SLC36A1: variants seen among roughly 807,000 people sequenced by gnomAD.
SLC36A1 encodes solute carrier family 36 member 1.
SLC36A1 carries 30 observed loss-of-function variants against 47.5 expected under a neutral mutation model. The ratio of observed to expected loss-of-function variants is 0.63; its 90% CI spans 0.47 to 0.86. The LOEUF (loss-of-function observed/expected upper bound fraction) is 0.86. Ranked by LOEUF, SLC36A1 falls within the 40% of genes least tolerant of loss-of-function variation. SLC36A1 has a pLI of 0.00. For missense variants in SLC36A1, 517 were observed against 606.0 expected, an observed-to-expected ratio of 0.85 and a Z score of 1.54; for synonymous variants, 255 against 249.7, an observed-to-expected ratio of 1.02 and a Z score of -0.20.
the SLC36A1 span, chr5:151,537,727 T>G: frequency 2.0e-6 from 3 of 1,464,228 alleles, no homozygotes; most frequent in Non-Finnish European, 2.8e-6. Flanking sequence ...GAGAATACCA[T>G]GGCACTGGGC....
chr5:151,444,918 G>C (rs906514971), upstream of SLC36A1, among the ~76,000 whole-genome samples: 1 of 152,098 alleles, frequency 6.6e-6, no homozygotes, highest in African/African-American at 2.4e-5. Flanking sequence ...TTTTCTTTCT[G>C]ATTTGGATGC....
intron 1 of SLC36A1, chr5:151,450,835 A>G (rs745857707): frequency 1.3e-5 from 2 of 152,274 alleles, no homozygotes; most frequent in Admixed American, 6.5e-5. Flanking sequence ...TCCAAAGTGC[A>G]TGACTGATTA....
chr5:151,551,969 C>A, the SLC36A1 span, among the ~76,000 whole-genome samples: 1 of 137,734 alleles, frequency 7.3e-6, no homozygotes, highest in Non-Finnish European at 1.5e-5. Flanking sequence ...TTTAATATAA[C>A]CCTAAGGGTG....
the SLC36A1 span, among the ~76,000 whole-genome samples, chr5:151,422,699 G>A: frequency 6.6e-6 from 1 of 152,206 alleles, no homozygotes; most frequent in African/African-American, 2.4e-5. Context: ...CTACACTTGA[G>A]TCTGGGTGAC....
At chr5:151,531,597 A>C in the SLC36A1 span, 1 of 1,612,568 alleles carries the variant, frequency 6.2e-7, no homozygotes, top group Non-Finnish European at 8.5e-7. This position sits in a 1 kb window ranked among gnomAD's most constrained non-coding sequence, Gnocchi z 5.7. Context: ...CTGTGCGAGC[A>C]TCCAGGCGGA....
chr5:151,424,067 A>G, the SLC36A1 span, among the ~76,000 whole-genome samples: 1 of 152,242 alleles, frequency 6.6e-6, no homozygotes, highest in African/African-American at 2.4e-5. Flanking sequence ...CAAATGTACA[A>G]GTCGCCTCAC....
chr5:151,505,283 C>G, the SLC36A1 span: 39 of 489,590 alleles, frequency 8.0e-5, no homozygotes, highest in Non-Finnish European at 1.2e-4. Flanking sequence ...TGTCTCTCGC[C>G]CACCCCGGGA....
At chr5:151,352,021 A>T in the SLC36A1 span, among the ~76,000 whole-genome samples, 1 of 152,210 alleles carries the variant, frequency 6.6e-6, no homozygotes, top group African/African-American at 2.4e-5. Flanking sequence ...TGCTCCAGTC[A>T]CATGGACCTT....
chr5:151,347,149 T>G, the SLC36A1 span: 1 of 928,120 alleles, frequency 1.1e-6, no homozygotes, highest in South Asian at 1.3e-5. Flanking sequence ...CTGCCTCAGC[T>G]TGACTCAGCC....
the SLC36A1 span, among the ~76,000 whole-genome samples, chr5:151,422,689 C>T: frequency 6.6e-6 from 1 of 152,086 alleles, no homozygotes; most frequent in Admixed American, 6.5e-5. Context: ...GATCACGCCA[C>T]TACACTTGAG....
At chr5:151,528,516 C>T in the SLC36A1 span, among the ~76,000 whole-genome samples, 3 of 152,152 alleles carry the variant, frequency 2.0e-5, no homozygotes, top group African/African-American at 7.2e-5. Flanking sequence ...GAAAAGGACT[C>T]ATGAAGCCCT....
At chr5:151,525,939 G>A in the SLC36A1 span, 1 of 1,614,192 alleles carries the variant, frequency 6.2e-7, no homozygotes, top group Non-Finnish European at 8.5e-7. Context: ...TCAGCTGCAG[G>A]ACTTTGCTGC....
At chr5:151,367,361 ATT>A in the SLC36A1 span, among the ~76,000 whole-genome samples, 1,323 of 118,852 alleles carry the variant, frequency 0.011, 48 homozygotes, top group East Asian at 0.13. Context: ...CCAGGAATGC[ATT>A]TTTTTTTTTT....
At chr5:151,384,987 G>GGT in the SLC36A1 span, among the ~76,000 whole-genome samples, 5 of 85,938 alleles carry the variant, frequency 5.8e-5, no homozygotes, top group Non-Finnish European at 2.3e-5. Flanking sequence ...TGTGTGTGTG[G>GGT]GTGTGTGAGA....
chr5:151,508,175 A>G, the SLC36A1 span, among the ~76,000 whole-genome samples: 1 of 152,156 alleles, frequency 6.6e-6, no homozygotes, highest in African/African-American at 2.4e-5. Flanking sequence ...GGCCAGCTTT[A>G]TCCACTTTTG....
the SLC36A1 span, among the ~76,000 whole-genome samples, chr5:151,422,461 A>G: frequency 2.0e-5 from 3 of 152,360 alleles, no homozygotes; most frequent in East Asian, 5.8e-4. Flanking sequence ...CATGCCTGCA[A>G]TCCCAGCACT....
At chr5:151,413,244 A>C in the SLC36A1 span, among the ~76,000 whole-genome samples, 1 of 150,422 alleles carries the variant, frequency 6.6e-6, no homozygotes, top group African/African-American at 2.5e-5. Flanking sequence ...TTTTTTTTCC[A>C]AATATGGATT....
chr5:151,363,786 A>G, the SLC36A1 span, among the ~76,000 whole-genome samples: 3 of 152,202 alleles, frequency 2.0e-5, no homozygotes, highest in Non-Finnish European at 4.4e-5. Flanking sequence ...GTGTTATTCA[A>G]GATTTATGGG....
At chr5:151,517,380 TACCCC>T in the SLC36A1 span, among the ~76,000 whole-genome samples, 1 of 152,218 alleles carries the variant, frequency 6.6e-6, no homozygotes, top group Admixed American at 6.5e-5. Context: ...ATTTCTATCT[TACCCC>T]ACAGAGTAAG....
Sources: gnomAD v4.1 joint callset for allele counts (sites outside exome capture counted in the v4.1 genomes callset) on GRCh38, gnomAD v4.1.1 for gene constraint, Gnocchi (gnomAD v3.1) non-coding constraint, MANE v1.5 for transcripts, NCBI Gene and HGNC (gene_info 2026-07-23, HGNC 2026-07-21) for gene names.